Variants in PTPRE observed in about 807,000 individuals in gnomAD.
PTPRE encodes protein tyrosine phosphatase receptor type E, also known as receptor-type tyrosine-protein phosphatase epsilon.
PTPRE carries 51 observed loss-of-function variants against 102.0 expected under a neutral mutation model. The observed-to-expected ratio is 0.50, with a 90% CI of 0.40 to 0.63. The LOEUF (loss-of-function observed/expected upper bound fraction) is 0.63. PTPRE is among the 30% of genes least tolerant of loss of function. The pLI is 0.00. For missense variants in PTPRE, 752 were observed against 915.1 expected (o/e 0.82, Z 2.30); for synonymous variants, 345 against 348.2 (o/e 0.99, Z 0.10).
intron 1 of PTPRE, among the ~76,000 whole-genome samples, chr10:127,943,968 T>C (rs1470156919): frequency 6.6e-6 from 1 of 152,050 alleles, no homozygotes; most frequent in African/African-American, 2.4e-5. Flanking sequence ...CTATGGGCAT[T>C]GGGGCTGGGA....
rs1846313473 is a variant in PTPRE, at chr10:128,026,677, A to G, written c.-7-14198A>G. ...TTTCAGTGATTTTACATTTAGACATAGGCAATTACTTTTGTTCAAAACATT... is the reference window on the plus strand; with the variant it reads ...TTTCAGTGATTTTACATTTAGACATGGGCAATTACTTTTGTTCAAAACATT... On this transcript the variant is annotated intron_variant, in intron 2 of 20. Transcript: ENST00000254667. 2.0e-5 allele frequency among the ~76,000 whole-genome samples: 3 copies of G among 152,216 alleles called. No individual in the cohort carries two copies. In the South Asian group the frequency reaches 6.2e-4, roughly 31 times the overall value.
At chr10:127,976,703 TA>T (rs1437896302) in intron 1 of PTPRE, among the ~76,000 whole-genome samples, 1 of 152,220 alleles carries the variant, frequency 6.6e-6, no homozygotes, top group African/African-American at 2.4e-5. Flanking sequence ...AAGATTCTAC[TA>T]AACTCCTTCA....
intron 10 of PTPRE, 126 bp downstream of exon 10, chr10:128,063,306 C>T: frequency 6.8e-7 from 1 of 1,473,710 alleles, no homozygotes; most frequent in Admixed American, 2.3e-5. Flanking sequence ...AGAAAAAAAC[C>T]CAAACACATG....
At position 128,062,199 on chromosome 10, in the gene PTPRE, G is replaced by A. The variant is rs1474046572; in HGVS notation, c.625+484G>A. Among the ~76,000 whole-genome samples, 19 of 152,218 alleles carry A rather than the reference G, an allele frequency of 1.2e-4. 1 individual carries two copies. The highest frequency in any genetic ancestry group is 1.0e-3 in the Admixed American group (16 of 15,294). ...TTGTCATCTGCAGGACCTGGTGTAC[G>A]TGCGGTTAGATATCAGTGGAGCTGA... is the stretch of plus-strand genomic sequence containing the variant. On this transcript the variant is annotated intron_variant, in intron 9 of 20. Transcript: ENST00000254667.
Position 127,963,543 on chromosome 10 carries a change from G to A in PTPRE, c.-30-18731G>A, listed in dbSNP as rs115410295. Among the ~76,000 whole-genome samples, 1,086 of 152,242 alleles carry A rather than the reference G, an allele frequency of 7.1e-3. 22 individuals carry two copies. Among genetic ancestry groups the A allele is most frequent in the African/African-American group, 0.025 (1,030 of 41,546 alleles). Reference sequence around the variant, plus strand: ...TTTGTCTTTGATAAATAACATAGGCGTCTTTACAGTGTGTATAGGCAGAGC... The same window carrying A: ...TTTGTCTTTGATAAATAACATAGGCATCTTTACAGTGTGTATAGGCAGAGC... On this transcript the variant is annotated intron_variant, in intron 1 of 20. Coordinates refer to ENST00000254667, the MANE Select transcript of PTPRE (RefSeq NM_006504.6).
At chr10:127,927,201 G>C (rs936085505) in intron 1 of PTPRE, among the ~76,000 whole-genome samples, 6 of 152,134 alleles carry the variant, frequency 3.9e-5, no homozygotes, top group African/African-American at 1.4e-4. Context: ...CCCCCCGGGG[G>C]TTGGGTTCTC....
At chr10:127,936,838 C>T (rs564552275) in intron 1 of PTPRE, among the ~76,000 whole-genome samples, 13 of 152,292 alleles carry the variant, frequency 8.5e-5, no homozygotes, top group African/African-American at 3.1e-4. Context: ...TTAGTACCAT[C>T]GTCCCCTGGA....
chr10:128,072,276 C>A, intron 16 of PTPRE, 62 bp downstream of exon 16: 3 of 1,323,986 alleles, frequency 2.3e-6, no homozygotes, highest in Non-Finnish European at 3.2e-6. Flanking sequence ...TGACCACAGA[C>A]TTGATTAGCT....
intron 2 of PTPRE, chr10:127,998,135 C>T (rs1398555769): frequency 6.6e-6 from 1 of 152,240 alleles, no homozygotes; most frequent in South Asian, 2.1e-4. Context: ...GATCTCAAAT[C>T]CTGTTGCAGT....
intron 1 of PTPRE, among the ~76,000 whole-genome samples, chr10:127,969,670 A>G (rs1850544943): frequency 8.1e-6 from 1 of 122,968 alleles, no homozygotes; most frequent in Admixed American, 8.5e-5. Flanking sequence ...CTGCCTAAAA[A>G]GAAAAAAAAA....
chr10:127,944,266 C>A lies in PTPRE; in HGVS notation c.-31+36957C>A, dbSNP rs1408117684. ...AAGACCACAGCTGTTGTGTCACATG[C>A]AGCATGATAGTCAGGGATGGATGAG... On this transcript the variant is annotated intron_variant, in intron 1 of 20. Transcript: ENST00000254667. The surrounding 1 kb of genome is among the most constrained non-coding windows in gnomAD (Gnocchi z 4.2). Among the ~76,000 whole-genome samples, 1 of 152,164 alleles carries A rather than the reference C, an allele frequency of 6.6e-6. No homozygotes were observed. The highest frequency in any genetic ancestry group is 1.5e-5 in the Non-Finnish European group (1 of 68,032).
intron 1 of PTPRE, among the ~76,000 whole-genome samples, chr10:127,960,194 G>A (rs1849691217): frequency 6.6e-6 from 1 of 152,142 alleles, no homozygotes; most frequent in African/African-American, 2.4e-5. Context: ...ATCAGATGGT[G>A]GCATCTGGGG....
At position 128,085,008 on chromosome 10, in the gene PTPRE, C is replaced by T; in HGVS notation, c.*2102C>T. On this transcript the variant is annotated 3_prime_UTR_variant, in exon 21 of 21. Coordinates refer to ENST00000254667, the MANE Select transcript of PTPRE (RefSeq NM_006504.6). ...CCCTGCTCATGTTTTTTTCCTGTCCCCTTAGACCAACCCCAGGTGTCCACT... is the reference window on the plus strand; with the variant it reads ...CCCTGCTCATGTTTTTTTCCTGTCCTCTTAGACCAACCCCAGGTGTCCACT... 2.3e-6 allele frequency: 1 copy of T among 432,638 alleles called. No individual in the cohort carries two copies. Among genetic ancestry groups the T allele is most frequent in the Admixed American group, 2.6e-5 (1 of 38,816 alleles). 26.8% of individuals were successfully genotyped at this position (432,638 alleles called of 1,614,324 possible).
chr10:127,981,597 C>T (rs917226406), intron 1 of PTPRE, among the ~76,000 whole-genome samples: 4 of 152,076 alleles, frequency 2.6e-5, no homozygotes, highest in South Asian at 2.1e-4. Context: ...GCGAGCAGAT[C>T]ACTTGAGGCC....
In PTPRE at chr10:127,986,124, G is replaced by T. The variant is rs149986052; in HGVS notation, c.-8+3828G>T. 1.8e-3 allele frequency among the ~76,000 whole-genome samples: 268 copies of T among 152,254 alleles called. 1 individual carries two copies. Among genetic ancestry groups the T allele is most frequent in the African/African-American group, 6.3e-3 (262 of 41,548 alleles). ...AAAAAAAATTGACATCCAAAAAAATGAGTCAAGTCTTTTTTCCTGTTAAGC... is the reference window on the plus strand; with the variant it reads ...AAAAAAAATTGACATCCAAAAAAATTAGTCAAGTCTTTTTTCCTGTTAAGC... On this transcript the variant is annotated intron_variant, in intron 2 of 20. Transcript: ENST00000254667.
chr10:128,065,569 C>A (rs982382234), intron 10 of PTPRE, among the ~76,000 whole-genome samples: 2 of 152,188 alleles, frequency 1.3e-5, no homozygotes, highest in Non-Finnish European at 2.9e-5. Context: ...AAATGAAGAT[C>A]GTTAGACCAA....
chr10:127,976,112 CT>C (rs1851153516), intron 1 of PTPRE, among the ~76,000 whole-genome samples: 1 of 152,138 alleles, frequency 6.6e-6, no homozygotes, highest in South Asian at 2.1e-4. Flanking sequence ...ACTAGATCCC[CT>C]GCCAAGAAGC....
intron 2 of PTPRE, among the ~76,000 whole-genome samples, chr10:128,025,697 C>T (rs1015718834): frequency 5.9e-5 from 9 of 152,132 alleles, no homozygotes; most frequent in Admixed American, 3.9e-4. Flanking sequence ...GCACTGGATT[C>T]GGGTCTGAGG....
chr10:128,019,424 G>A (rs1490675314), intron 2 of PTPRE, among the ~76,000 whole-genome samples: 1 of 152,220 alleles, frequency 6.6e-6, no homozygotes, highest in Admixed American at 6.5e-5. Context: ...TCCCAGCGTG[G>A]CCTCAGCCAC....
Sources: gnomAD v4.1 joint callset for allele counts (sites outside exome capture counted in the v4.1 genomes callset) on GRCh38, gnomAD v4.1.1 for gene constraint, Gnocchi (gnomAD v3.1) non-coding constraint, MANE v1.5 for transcripts, NCBI Gene and HGNC (gene_info 2026-07-23, HGNC 2026-07-21) for gene names.